The following SDK2 variants were observed in gnomAD, a reference collection of about 807,000 sequenced individuals.
SDK2 encodes the protein sidekick cell adhesion molecule 2.
In SDK2, 105 loss-of-function variants were observed where a neutral mutation model predicts 253.9. That is an observed-to-expected ratio of 0.41 (90% CI 0.35 to 0.49). The LOEUF (loss-of-function observed/expected upper bound fraction) is 0.49. Among genes scored for constraint, SDK2 ranks in the 20% least tolerant of loss-of-function variants. The pLI is 0.06. For missense variants in SDK2, 2,608 were observed against 3,003.0 expected, an observed-to-expected ratio of 0.87 and a Z score of 3.07; for synonymous variants, 1,249 against 1,234.9, an observed-to-expected ratio of 1.01 and a Z score of -0.24.
chr17:73,410,351 T>C (rs761834785), intron 18 of SDK2, among the ~76,000 whole-genome samples: 4 of 152,128 alleles, frequency 2.6e-5, no homozygotes, highest in Admixed American at 6.6e-5. Flanking sequence ...TCTAGCTCTG[T>C]CTCCCTGACT....
At chr17:73,375,977 C>T (rs1234932120) in intron 36 of SDK2, among the ~76,000 whole-genome samples, 11 of 151,172 alleles carry the variant, frequency 7.3e-5, no homozygotes, top group African/African-American at 1.9e-4. Flanking sequence ...GGGTGGATCA[C>T]GAAGTCAAGA....
At position 73,508,400 on chromosome 17, in the gene SDK2, C is replaced by T. The variant is rs1599633347; in HGVS notation, c.65-803G>A. 2.6e-5 allele frequency among the ~76,000 whole-genome samples: 4 copies of T among 152,330 alleles called. 1 individual carries two copies. The highest frequency in any genetic ancestry group is 2.9e-5 in the Non-Finnish European group (2 of 68,032). On this transcript the variant is annotated intron_variant, in intron 1 of 44. Coordinates refer to ENST00000392650, the MANE Select transcript of SDK2 (RefSeq NM_001144952.2). Reference sequence around the variant, plus strand: ...GGAAATGGGGCCTCTGCCCTTCTGGCCAGTGTGGGAGAGGGTGGACATGAG... The same window carrying T: ...GGAAATGGGGCCTCTGCCCTTCTGGTCAGTGTGGGAGAGGGTGGACATGAG...
rs188821681 is a variant in SDK2 at position 73,346,361 on chromosome 17, C to T, written c.6165+2238G>A. ...GATTAGATGGTGTGTGCCATTGGCTCGGAATTTCTTTTCCATTGAGATTTA... is the reference window on the plus strand; with the variant it reads ...GATTAGATGGTGTGTGCCATTGGCTTGGAATTTCTTTTCCATTGAGATTTA... On this transcript the variant is annotated intron_variant, in intron 44 of 44. Coordinates refer to ENST00000392650, the MANE Select transcript of SDK2 (RefSeq NM_001144952.2). Among the ~76,000 whole-genome samples, 53 of 152,098 alleles carry T rather than the reference C, an allele frequency of 3.5e-4. No homozygotes were observed. The East Asian group carries it at 9.1e-3, about 26-fold the overall frequency.
rs188650330 is a variant in SDK2 at position 73,343,042 on chromosome 17, C to T, written c.6166-4102G>A. On this transcript the variant is annotated intron_variant, in intron 44 of 44. Transcript: ENST00000392650. ...GAGTAGAAGGTTAGCTGATACCCCA[C>T]CCACTAACCCCCGACTCCAAGACAG... Among the ~76,000 whole-genome samples, 689 of 152,302 alleles carry T rather than the reference C, an allele frequency of 4.5e-3. 9 individuals are homozygous for T. The highest frequency in any genetic ancestry group is 0.016 in the African/African-American group (651 of 41,574).
In SDK2 at chr17:73,641,832, C is replaced by T. The variant is rs1187644677; in HGVS notation, c.64+2193G>A. 2.0e-5 allele frequency among the ~76,000 whole-genome samples: 3 copies of T among 152,080 alleles called. No individual in the cohort carries two copies. The East Asian group carries it at 5.8e-4, about 29-fold the overall frequency. On this transcript the variant is annotated intron_variant, in intron 1 of 44. Coordinates refer to ENST00000392650, the MANE Select transcript of SDK2 (RefSeq NM_001144952.2). ...AACCCCAAAGCAGATAAGAAAGGAC[C>T]TCATGCCCTAATCCCACCCCCTCCA...
intron 1 of SDK2, among the ~76,000 whole-genome samples, chr17:73,528,027 G>T (rs1245653998): frequency 6.6e-6 from 1 of 152,108 alleles, no homozygotes; most frequent in East Asian, 1.9e-4. Context: ...CAGTGAGGGC[G>T]AGGTGACCGA....
intron 1 of SDK2, among the ~76,000 whole-genome samples, chr17:73,539,996 G>A (rs564880153): frequency 6.7e-6 from 1 of 148,700 alleles, no homozygotes; most frequent in African/African-American, 2.5e-5. Flanking sequence ...TACCCAGGAT[G>A]GGCAGCCCCC....
intron 31 of SDK2, 30 bp downstream of exon 31, chr17:73,386,415 G>C (rs1457033491): frequency 6.9e-7 from 1 of 1,438,930 alleles, no homozygotes; most frequent in African/African-American, 1.4e-5. Context: ...AGTGGGCTGA[G>C]AGAGAGACTG....
chr17:73,435,785 G>A lies in SDK2; in HGVS notation c.1001-141C>T. 2.9e-6 allele frequency: 2 copies of A among 680,540 alleles called. No homozygotes were observed. Among genetic ancestry groups the A allele is most frequent in the Non-Finnish European group, 4.8e-6 (2 of 416,202 alleles). 42.2% of individuals were successfully genotyped at this position (680,540 alleles called of 1,614,324 possible). On this transcript the variant is annotated intron_variant, in intron 8 of 44. Transcript: ENST00000392650. This position sits in a 1 kb window ranked among gnomAD's most constrained non-coding sequence, Gnocchi z 5.7. ...TGGTGTCTAGAACCTTCTCAGAGGT[G>A]CCACTTTGGGTCTAGGGAGAGGAGG... is the stretch of plus-strand genomic sequence containing the variant.
rs983429475 is a variant in SDK2 at position 73,609,380 on chromosome 17, G to A, written c.64+34645C>T. 2.6e-5 allele frequency among the ~76,000 whole-genome samples: 4 copies of A among 152,148 alleles called. No individual in the cohort carries two copies. In the South Asian group the frequency reaches 6.2e-4, roughly 24 times the overall value. ...CCAGGAGGAGGAGCCAGCAAGAAAG[G>A]CACCAAACTGAGAGCCAGCCAAGAG... On this transcript the variant is annotated intron_variant, in intron 1 of 44. Coordinates refer to ENST00000392650, the MANE Select transcript of SDK2 (RefSeq NM_001144952.2). This position sits in a 1 kb window ranked among gnomAD's most constrained non-coding sequence, Gnocchi z 4.4.
At position 73,394,167 on chromosome 17, in the gene SDK2, G is replaced by A. The variant is rs372615667; in HGVS notation, c.3708+42C>T. On this transcript the variant is annotated intron_variant, in intron 26 of 44. Transcript: ENST00000392650. ...GCCCCTTGGATGGAGAGGCTGGAGG[G>A]GCCAGTGTAGGGACCCCACCTCCTG... The A allele has an allele frequency of 1.7e-5, 21 of 1,262,808 alleles. No homozygotes were observed. In the African/African-American group the frequency reaches 3.0e-4, roughly 18 times the overall value. 78.2% of individuals were successfully genotyped at this position (1,262,808 alleles called of 1,614,324 possible).
chr17:73,463,492 A>G (rs1289101963), intron 3 of SDK2, among the ~76,000 whole-genome samples: 1 of 152,218 alleles, frequency 6.6e-6, no homozygotes, highest in African/African-American at 2.4e-5. Flanking sequence ...CTGAAGGCCT[A>G]GAACACTAAC....
chr17:73,423,644 G>A (rs557689241), intron 13 of SDK2, 122 bp from the exon 14 acceptor site: 57 of 1,210,548 alleles, frequency 4.7e-5, no homozygotes, highest in Non-Finnish European at 6.2e-5. Context: ...GACGTAAAAT[G>A]TGGCCTTCGG....
chr17:73,537,122 C>A (rs140201463), intron 1 of SDK2, among the ~76,000 whole-genome samples: 2 of 152,182 alleles, frequency 1.3e-5, no homozygotes, highest in African/African-American at 2.4e-5. Flanking sequence ...CGTGCGTGTG[C>A]GGGCGCGCAT....
intron 1 of SDK2, among the ~76,000 whole-genome samples, chr17:73,544,701 C>T (rs2044928099): frequency 6.6e-6 from 1 of 152,158 alleles, no homozygotes; most frequent in African/African-American, 2.4e-5. Flanking sequence ...AGAATCACCT[C>T]AGAAAGCATC....
chr17:73,355,908 T>C (rs1282755959), intron 40 of SDK2, among the ~76,000 whole-genome samples: 1 of 152,192 alleles, frequency 6.6e-6, no homozygotes, highest in Admixed American at 6.5e-5. Context: ...TGCCTCTGAA[T>C]TCTCTCACTC....
At chr17:73,409,188 T>C (rs2063105167) in intron 18 of SDK2, among the ~76,000 whole-genome samples, 1 of 151,940 alleles carries the variant, frequency 6.6e-6, no homozygotes, top group South Asian at 2.1e-4. Context: ...TTTTCACAAT[T>C]AAAAGGGGGC....
At chr17:73,588,632 T>C (rs1320213241) in intron 1 of SDK2, among the ~76,000 whole-genome samples, 1 of 152,082 alleles carries the variant, frequency 6.6e-6, no homozygotes, top group Non-Finnish European at 1.5e-5. Flanking sequence ...AACTGGCATC[T>C]AGTGGGTAGA....
At chr17:73,458,153 T>G (rs2063540571) in intron 3 of SDK2, among the ~76,000 whole-genome samples, 1 of 152,144 alleles carries the variant, frequency 6.6e-6, no homozygotes, top group South Asian at 2.1e-4. Context: ...TAATTTTATT[T>G]TTAATAGAAA....
Sources: gnomAD v4.1 joint callset for allele counts (sites outside exome capture counted in the v4.1 genomes callset) on GRCh38, gnomAD v4.1.1 for gene constraint, Gnocchi (gnomAD v3.1) non-coding constraint, MANE v1.5 for transcripts, NCBI Gene and HGNC (gene_info 2026-07-23, HGNC 2026-07-21) for gene names.